SLC30A6: variants seen among roughly 807,000 people sequenced by gnomAD.
SLC30A6 encodes the protein solute carrier family 30 member 6.
A neutral mutation model predicts 63.0 loss-of-function variants in SLC30A6; 55 were observed. The ratio of observed to expected loss-of-function variants is 0.87; its 90% CI spans 0.70 to 1.09. The LOEUF is 1.09. Among genes scored for constraint, SLC30A6 ranks in the 50% least tolerant of loss-of-function variants. The pLI, the probability that SLC30A6 is intolerant of heterozygous loss-of-function variation, is 0.00. For missense variants in SLC30A6, 587 were observed against 549.2 expected (o/e 1.07, Z -0.69); for synonymous variants, 224 against 186.1 (o/e 1.20, Z -1.66).
intron 13 of SLC30A6, 148 bp from the exon 14 acceptor site, chr2:32,220,065 G>A (rs1686036858): frequency 1.3e-6 from 1 of 798,008 alleles, no homozygotes; most frequent in African/African-American, 1.7e-5. Context: ...TCACCAGCAA[G>A]TAGTCTTTAA....
At chr2:32,167,855 ACTTGAAT>A (rs1680822477) in intron 1 of SLC30A6, among the ~76,000 whole-genome samples, 1 of 152,198 alleles carries the variant, frequency 6.6e-6, no homozygotes, top group Non-Finnish European at 1.5e-5. Context: ...AGAAAGTAAA[ACTTGAAT>A]CTCTTGTGTT....
chr2:32,219,542 C>G (rs994978014), intron 13 of SLC30A6, among the ~76,000 whole-genome samples: 1 of 152,116 alleles, frequency 6.6e-6, no homozygotes. Flanking sequence ...TCAAGCTGTT[C>G]TCCTGCCTCG....
intron 3 of SLC30A6, 57 bp from the exon 4 acceptor site, chr2:32,175,262 C>A: frequency 6.5e-7 from 1 of 1,532,632 alleles, no homozygotes; most frequent in Non-Finnish European, 9.0e-7. Context: ...TGGTAACTTG[C>A]TGTATTTTTT....
chr2:32,217,012 C>T (rs534168768), intron 13 of SLC30A6, among the ~76,000 whole-genome samples: 1 of 152,136 alleles, frequency 6.6e-6, no homozygotes, highest in South Asian at 2.1e-4. Context: ...TCTCAGCCTC[C>T]CAAGTAGCTG....
At chr2:32,203,164 C>T (rs891410957) in intron 10 of SLC30A6, 10 of 1,247,694 alleles carry the variant, frequency 8.0e-6, no homozygotes, top group Non-Finnish European at 1.1e-5. Context: ...TTGGACATTC[C>T]TGAAGTTGAC....
chr2:32,186,677 GC>G (rs1332379262), intron 5 of SLC30A6, among the ~76,000 whole-genome samples: 3 of 151,402 alleles, frequency 2.0e-5, no homozygotes, highest in Non-Finnish European at 2.9e-5. Context: ...GGGTGACAGA[GC>G]GAGACTCTGT....
intron 4 of SLC30A6, chr2:32,177,562 G>T: frequency 4.9e-6 from 1 of 202,884 alleles, no homozygotes; most frequent in South Asian, 5.0e-5. Flanking sequence ...AAAGTGCTGG[G>T]ATAACAGGCG....
At chr2:32,202,812 A>G (rs1158612842) in intron 10 of SLC30A6, 2 of 785,460 alleles carry the variant, frequency 2.5e-6, no homozygotes, top group African/African-American at 3.4e-5. Flanking sequence ...CAAAGTTGCA[A>G]AAAAATGAGT....
At chr2:32,211,863 T>G (rs968620412) in intron 13 of SLC30A6, among the ~76,000 whole-genome samples, 1 of 152,076 alleles carries the variant, frequency 6.6e-6, no homozygotes, top group African/African-American at 2.4e-5. Flanking sequence ...CAAGTGATCC[T>G]CCCTCCTTGG....
chr2:32,168,113 G>A (rs563452478), intron 1 of SLC30A6, among the ~76,000 whole-genome samples: 1 of 152,266 alleles, frequency 6.6e-6, no homozygotes, highest in Non-Finnish European at 1.5e-5. Context: ...GTCATGCAGG[G>A]AAACAGTATT....
At chr2:32,199,157 G>A (rs1196542960) in intron 10 of SLC30A6, among the ~76,000 whole-genome samples, 1 of 152,146 alleles carries the variant, frequency 6.6e-6, no homozygotes, top group African/African-American at 2.4e-5. Context: ...TAACATGTCA[G>A]AATTTCCTTC....
chr2:32,194,960 A>C lies in SLC30A6; in HGVS notation c.496+977A>C, dbSNP rs146888659. 9.6e-3 allele frequency among the ~76,000 whole-genome samples: 1,465 copies of C among 152,338 alleles called. 26 individuals are homozygous for C. Among genetic ancestry groups the C allele is most frequent in the South Asian group, 0.048 (234 of 4,830 alleles). ...AAGATCAGGGAGATACAAGAAGGAA[A>C]TAAGACTACTGATAATCTTATGACC... On this transcript the variant is annotated intron_variant, in intron 8 of 13. Coordinates refer to ENST00000282587, the MANE Select transcript of SLC30A6 (RefSeq NM_017964.5).
At chr2:32,197,291 G>T in intron 8 of SLC30A6, 53 bp from the exon 9 acceptor site, 1 of 1,468,722 alleles carries the variant, frequency 6.8e-7, no homozygotes, top group Non-Finnish European at 9.2e-7. Flanking sequence ...AATATTTCAG[G>T]TAGTGGTTTT....
At chr2:32,203,040 A>C in intron 10 of SLC30A6, 2 of 1,238,284 alleles carry the variant, frequency 1.6e-6, no homozygotes, top group South Asian at 2.4e-5. Flanking sequence ...CATAAAACAG[A>C]ATGCCCAGTG....
At chr2:32,195,463 A>G (rs1161712781) in intron 8 of SLC30A6, among the ~76,000 whole-genome samples, 6 of 152,010 alleles carry the variant, frequency 3.9e-5, no homozygotes, top group African/African-American at 1.4e-4. Flanking sequence ...TAATATTGTT[A>G]TGAATATTTT....
Position 32,193,980 on chromosome 2 carries a change from G to A in SLC30A6, c.493G>A (p.Glu165Lys). The A allele has an allele frequency of 2.5e-6, 4 of 1,608,044 alleles. No homozygotes were observed. Among genetic ancestry groups the A allele is most frequent in the Non-Finnish European group, 1.7e-6 (2 of 1,177,510 alleles). Reference sequence around the variant, plus strand: ...GAATAAACCTTTTGCTTATGTCTCAGAAGGTATGTTTTTTATTTACTATTA... The same window carrying A: ...GAATAAACCTTTTGCTTATGTCTCAAAAGGTATGTTTTTTATTTACTATTA... ...IRNKPFAYVS[E>K]AASTSWLQEH... Residue 165 changes from glutamate (E) to lysine (K), a missense_variant, in exon 8 of 14, where the codon GAA (glutamate) becomes AAA (lysine). By Grantham distance (56) the Glu-to-Lys change is moderately conservative. Transcript: ENST00000282587.
At chr2:32,194,660 G>A (rs949999889) in intron 8 of SLC30A6, among the ~76,000 whole-genome samples, 5 of 152,188 alleles carry the variant, frequency 3.3e-5, no homozygotes, top group Admixed American at 1.3e-4. Flanking sequence ...GAGAAGCACA[G>A]ATAGGTGTGG....
intron 12 of SLC30A6, among the ~76,000 whole-genome samples, chr2:32,207,242 T>TA (rs1478968275): frequency 6.6e-6 from 1 of 152,108 alleles, no homozygotes; most frequent in Non-Finnish European, 1.5e-5. Flanking sequence ...GAGACAGTCT[T>TA]GCTCTGTTGC....
chr2:32,204,551 G>A (rs1346792792), intron 10 of SLC30A6, 39 bp from the exon 11 acceptor site: 1 of 1,356,928 alleles, frequency 7.4e-7, no homozygotes. Context: ...TGCCCAGTGA[G>A]ATATAAATTT....
Sources: gnomAD v4.1 joint callset for allele counts (sites outside exome capture counted in the v4.1 genomes callset) on GRCh38, gnomAD v4.1.1 for gene constraint, MANE v1.5 for transcripts, NCBI Gene and HGNC (gene_info 2026-07-23, HGNC 2026-07-21) for gene names.